The following TTC28 variants were observed in gnomAD, a reference collection of about 807,000 sequenced individuals.
TTC28 encodes tetratricopeptide repeat protein 28.
In TTC28, 61 loss-of-function variants were observed where a neutral mutation model predicts 198.0. The observed-to-expected ratio is 0.31, with a 90% confidence interval of 0.25 to 0.38. TTC28 has a LOEUF of 0.38. Among genes scored for constraint, TTC28 ranks in the 10% least tolerant of loss-of-function variants. The probability of loss-of-function intolerance (pLI) is 1.00; values close to 1 mark genes in which losing one functional copy is unlikely to be tolerated. For synonymous variants in TTC28, 1,171 were observed against 1,297.8 expected (o/e 0.90, Z 2.10); for missense variants, 2,678 against 3,164.0 (o/e 0.85, Z 3.69).
At chr22:28,549,697 C>T (rs1277556033) in intron 2 of TTC28, among the ~76,000 whole-genome samples, 2 of 152,146 alleles carry the variant, frequency 1.3e-5, no homozygotes, top group East Asian at 1.9e-4. Flanking sequence ...CAACTATATT[C>T]TGTAGGTTAG....
intron 2 of TTC28, among the ~76,000 whole-genome samples, chr22:28,387,418 C>T (rs2046627931): frequency 6.6e-6 from 1 of 152,228 alleles, no homozygotes; most frequent in South Asian, 2.1e-4. Context: ...GGAATCGCCA[C>T]ACTGACTTCC....
chr22:28,404,130 T>G (rs938784127), intron 2 of TTC28, among the ~76,000 whole-genome samples: 1 of 152,126 alleles, frequency 6.6e-6, no homozygotes, highest in African/African-American at 2.4e-5. Context: ...TGTTTGTTTG[T>G]TTTTTGTGAG....
chr22:28,203,243 T>C (rs1926122754), intron 5 of TTC28, among the ~76,000 whole-genome samples: 1 of 152,106 alleles, frequency 6.6e-6, no homozygotes, highest in African/African-American at 2.4e-5. Flanking sequence ...TTCTGGAGCT[T>C]GTTTCTTGAT....
chr22:28,070,645 A>T (rs1940930599), intron 12 of TTC28, among the ~76,000 whole-genome samples: 1 of 152,156 alleles, frequency 6.6e-6, no homozygotes, highest in Non-Finnish European at 1.5e-5. Context: ...AGTTGGGCAA[A>T]AGAGGTGGTC....
At chr22:28,013,344 G>A (rs1023060399) in intron 14 of TTC28, among the ~76,000 whole-genome samples, 12 of 152,200 alleles carry the variant, frequency 7.9e-5, no homozygotes, top group African/African-American at 2.9e-4. Context: ...TCTACGCAAA[G>A]GCATCTGATG....
chr22:28,131,410 A>G (rs1301276907), intron 6 of TTC28, among the ~76,000 whole-genome samples: 1 of 152,232 alleles, frequency 6.6e-6, no homozygotes, highest in African/African-American at 2.4e-5. Context: ...AAAACAAAAT[A>G]CAATATCCAG....
intron 2 of TTC28, among the ~76,000 whole-genome samples, chr22:28,579,388 C>T (rs959114152): frequency 1.3e-5 from 2 of 148,350 alleles, no homozygotes; most frequent in African/African-American, 2.5e-5. Flanking sequence ...GTATACATAG[C>T]TATATACATA....
intron 6 of TTC28, among the ~76,000 whole-genome samples, chr22:28,117,568 C>T (rs1422691067): frequency 2.0e-5 from 3 of 151,948 alleles, no homozygotes; most frequent in African/African-American, 7.3e-5. Flanking sequence ...AAACTTGAAC[C>T]AAATTACCTT....
At chr22:28,081,788 G>A (rs114367230) in intron 12 of TTC28, among the ~76,000 whole-genome samples, 142 of 152,262 alleles carry the variant, frequency 9.3e-4, no homozygotes, top group African/African-American at 1.9e-3. Context: ...CACTGAGCCC[G>A]GCTGCCACTA....
Position 28,060,544 on chromosome 22 carries a change from C to T in TTC28, c.3933-30178G>A, listed in dbSNP as rs537690840. On this transcript the variant is annotated intron_variant, in intron 12 of 22. Transcript: ENST00000397906. ...CAAGTCTTTGCTATTGTGAATAGTGCTGCAATAAACATACGTATGCATGTG... is the reference window on the plus strand; with the variant it reads ...CAAGTCTTTGCTATTGTGAATAGTGTTGCAATAAACATACGTATGCATGTG... 2.8e-4 allele frequency among the ~76,000 whole-genome samples: 43 copies of T among 152,296 alleles called. No individual in the cohort carries two copies. In the South Asian group the frequency reaches 7.7e-3, roughly 27 times the overall value.
At chr22:28,392,364 C>G (rs1009332900) in intron 2 of TTC28, among the ~76,000 whole-genome samples, 1 of 152,210 alleles carries the variant, frequency 6.6e-6, no homozygotes, top group African/African-American at 2.4e-5. Flanking sequence ...TTGTGGTGGG[C>G]TCCACCCAGT....
intron 1 of TTC28, among the ~76,000 whole-genome samples, chr22:28,647,445 G>A (rs1601660985): frequency 6.6e-6 from 1 of 152,232 alleles, no homozygotes; most frequent in East Asian, 1.9e-4. Context: ...TGAACAGACA[G>A]CCCACAGAGA....
Position 27,985,241 on chromosome 22 carries a change from G to A in TTC28, c.5815+8C>T. The A allele has an allele frequency of 6.5e-7, 1 of 1,546,970 alleles. No homozygotes were observed. Among genetic ancestry groups the A allele is most frequent in the Non-Finnish European group, 8.7e-7 (1 of 1,142,994 alleles). Reference sequence around the variant, plus strand: ...TGGTGGAGAACTGGTCTGAGGGCAGGCTCTTACCAAACAGAGACAGCAGGG... The same window carrying A: ...TGGTGGAGAACTGGTCTGAGGGCAGACTCTTACCAAACAGAGACAGCAGGG... On this transcript the variant is annotated splice_region_variant and intron_variant, in intron 22 of 22. Coordinates refer to ENST00000397906, the MANE Select transcript of TTC28 (RefSeq NM_001145418.2).
chr22:28,095,752 C>T (rs1418204965), intron 11 of TTC28, among the ~76,000 whole-genome samples: 27 of 152,272 alleles, frequency 1.8e-4, no homozygotes, highest in Non-Finnish European at 1.8e-4. Context: ...AAGCATAAGA[C>T]TTATTTATAA....
At chr22:28,259,040 T>C (rs1931145120) in intron 5 of TTC28, among the ~76,000 whole-genome samples, 2 of 152,026 alleles carry the variant, frequency 1.3e-5, no homozygotes, top group South Asian at 4.1e-4. Context: ...GCTGTGGTAG[T>C]GGGAAGCTAG....
At chr22:28,241,376 T>C (rs1327187043) in intron 5 of TTC28, among the ~76,000 whole-genome samples, 1 of 152,022 alleles carries the variant, frequency 6.6e-6, no homozygotes, top group Non-Finnish European at 1.5e-5. Flanking sequence ...ACATGAAAAC[T>C]AAATGCAAAA....
chr22:28,063,607 T>C (rs992051319), intron 12 of TTC28, among the ~76,000 whole-genome samples: 44 of 152,190 alleles, frequency 2.9e-4, no homozygotes, highest in Non-Finnish European at 4.4e-5. Flanking sequence ...TTCATTATAC[T>C]GAAAGTAAAA....
intron 13 of TTC28, among the ~76,000 whole-genome samples, chr22:28,020,002 C>T (rs1253578146): frequency 6.6e-6 from 1 of 152,248 alleles, no homozygotes; most frequent in Admixed American, 6.5e-5. Context: ...TCCTCCTCTT[C>T]AGATGAGGAA....
At chr22:28,512,094 C>CAA (rs58981075) in intron 2 of TTC28, among the ~76,000 whole-genome samples, 6 of 142,526 alleles carry the variant, frequency 4.2e-5, no homozygotes, top group Admixed American at 7.1e-5. Context: ...ACTTAAATTA[C>CAA]AAAAAAAAAA....
Sources: allele counts gnomAD v4.1 joint callset (sites outside exome capture counted in the v4.1 genomes callset), GRCh38; gene constraint gnomAD v4.1.1; transcripts MANE v1.5; gene names NCBI Gene and HGNC (gene_info 2026-07-23, HGNC 2026-07-21).